The following ZC3H12B variants were observed in gnomAD, a reference collection of about 807,000 sequenced individuals.
ZC3H12B encodes probable ribonuclease ZC3H12B.
Under a neutral mutation model 43.9 loss-of-function variants are expected in ZC3H12B, and 7 were observed. That is an observed-to-expected ratio of 0.16 (90% CI 0.09 to 0.30). ZC3H12B has a LOEUF of 0.30. Among genes scored for constraint, ZC3H12B ranks in the 10% least tolerant of loss-of-function variants. The probability of loss-of-function intolerance (pLI) is 1.00; values close to 1 mark genes in which losing one functional copy is unlikely to be tolerated. For synonymous variants in ZC3H12B, 222 were observed against 241.7 expected (o/e 0.92, Z 0.76); for missense variants, 475 against 670.2 (o/e 0.71, Z 3.22).
chrX:65,430,139 G>C (rs975166991), intron 3 of ZC3H12B, among the ~76,000 whole-genome samples: 17 of 111,853 alleles, frequency 1.5e-4, no homozygotes, highest in African/African-American at 5.5e-4. Flanking sequence ...ACATTTGTTG[G>C]AAATCTTGGG....
chrX:65,200,495 T>A, the ZC3H12B span, among the ~76,000 whole-genome samples: 1 of 95,056 alleles, frequency 1.1e-5, no homozygotes, highest in Non-Finnish European at 2.1e-5. Flanking sequence ...TGTAGTGGCA[T>A]CATCTCAGCT....
chrX:65,341,957 G>A, the ZC3H12B span, among the ~76,000 whole-genome samples: 1 of 111,297 alleles, frequency 9.0e-6, no homozygotes, highest in Non-Finnish European at 1.9e-5. Flanking sequence ...CCAATTAAAT[G>A]TCACAGAGTG....
the ZC3H12B span, among the ~76,000 whole-genome samples, chrX:65,306,057 T>C: frequency 8.9e-6 from 1 of 112,326 alleles, no homozygotes; most frequent in Non-Finnish European, 1.9e-5. Flanking sequence ...TAAGAACTCA[T>C]ACCTTCTCTA....
chrX:65,206,856 G>C, the ZC3H12B span, among the ~76,000 whole-genome samples: 1 of 110,871 alleles, frequency 9.0e-6, no homozygotes, highest in Non-Finnish European at 1.9e-5. Context: ...GACATGAAGA[G>C]ACAATTTGCA....
intron 2 of ZC3H12B, among the ~76,000 whole-genome samples, chrX:65,369,697 TG>T (rs1266853914): frequency 3.6e-5 from 4 of 111,932 alleles, no homozygotes; most frequent in Admixed American, 9.6e-5. Context: ...AAAGCATCTA[TG>T]TTTTTTTTTC....
upstream of ZC3H12B, among the ~76,000 whole-genome samples, chrX:65,485,868 T>C (rs2068117940): frequency 8.9e-6 from 1 of 112,153 alleles, no homozygotes; most frequent in African/African-American, 3.2e-5. Context: ...AATTATGAAT[T>C]ATATGATTAT....
At chrX:65,052,155 ATTCTTT>A in the ZC3H12B span, among the ~76,000 whole-genome samples, 1 of 111,010 alleles carries the variant, frequency 9.0e-6, no homozygotes, top group African/African-American at 3.3e-5. Flanking sequence ...CCCCACCATA[ATTCTTT>A]TTCTAATTAT....
At chrX:65,079,460 A>T in the ZC3H12B span, among the ~76,000 whole-genome samples, 1 of 112,714 alleles carries the variant, frequency 8.9e-6, no homozygotes, top group African/African-American at 3.2e-5. Flanking sequence ...GACCCAGCAC[A>T]GTCATAGTGG....
At chrX:65,176,175 T>A in the ZC3H12B span, among the ~76,000 whole-genome samples, 2 of 111,630 alleles carry the variant, frequency 1.8e-5, no homozygotes, top group East Asian at 5.6e-4. Context: ...CAGTCTGAAG[T>A]CAACCTGGGA....
At chrX:65,071,091 T>A in the ZC3H12B span, among the ~76,000 whole-genome samples, 1 of 109,654 alleles carries the variant, frequency 9.1e-6, no homozygotes. Context: ...AAACAAAGTC[T>A]CTTCATAGGT....
the ZC3H12B span, among the ~76,000 whole-genome samples, chrX:65,353,105 C>T: frequency 1.8e-5 from 2 of 111,176 alleles, 1 homozygote; most frequent in Admixed American, 1.9e-4. Context: ...TATCTGCCCC[C>T]CCGGCCTCCT....
chrX:65,152,406 A>G, the ZC3H12B span, among the ~76,000 whole-genome samples: 31 of 111,794 alleles, frequency 2.8e-4, no homozygotes, highest in African/African-American at 9.4e-4. Context: ...AAATCAATGT[A>G]CAAAAATCAC....
the ZC3H12B span, among the ~76,000 whole-genome samples, chrX:65,052,466 A>C: frequency 7.2e-5 from 8 of 110,441 alleles, no homozygotes; most frequent in African/African-American, 1.6e-4. Flanking sequence ...CTCCCCCCAG[A>C]ACCCTACTTC....
chrX:65,490,439 G>A (rs2068189005), intron 1 of ZC3H12B, among the ~76,000 whole-genome samples: 1 of 108,018 alleles, frequency 9.3e-6, no homozygotes, highest in African/African-American at 3.4e-5. Flanking sequence ...AAAGGGCAAG[G>A]AAACAGATTC....
At chrX:65,235,394 G>T in the ZC3H12B span, among the ~76,000 whole-genome samples, 1 of 111,614 alleles carries the variant, frequency 9.0e-6, no homozygotes, top group South Asian at 3.7e-4. Context: ...ATTTTTACTG[G>T]CATGAGATCC....
chrX:65,332,515 T>A, the ZC3H12B span, among the ~76,000 whole-genome samples: 2 of 111,572 alleles, frequency 1.8e-5, no homozygotes, highest in Non-Finnish European at 3.8e-5. Flanking sequence ...TTCCATGAAC[T>A]GTGCAACTGT....
chrX:65,058,078 C>G, the ZC3H12B span, among the ~76,000 whole-genome samples: 1 of 112,465 alleles, frequency 8.9e-6, no homozygotes, highest in South Asian at 3.7e-4. Flanking sequence ...TTTCTTCTCT[C>G]AACTCCTCAG....
At chrX:65,142,536 A>T in the ZC3H12B span, among the ~76,000 whole-genome samples, 2 of 112,111 alleles carry the variant, frequency 1.8e-5, no homozygotes, top group African/African-American at 6.5e-5. Flanking sequence ...TGTTTTTATT[A>T]CATTTGCTTT....
At chrX:65,057,966 T>C in the ZC3H12B span, among the ~76,000 whole-genome samples, 1 of 111,940 alleles carries the variant, frequency 8.9e-6, no homozygotes, top group Non-Finnish European at 1.9e-5. Flanking sequence ...ACACTGATTA[T>C]TCTGGTTAGC....
Sources: allele counts gnomAD v4.1 joint callset (sites outside exome capture counted in the v4.1 genomes callset), GRCh38; gene constraint gnomAD v4.1.1; transcripts MANE v1.5; gene names NCBI Gene and HGNC (gene_info 2026-07-23, HGNC 2026-07-21).